Variants in BCAT2 observed in about 807,000 individuals in gnomAD.
BCAT2 encodes branched chain amino acid transaminase 2.
BCAT2 carries 44 observed loss-of-function variants against 52.9 expected under a neutral mutation model. That is an observed-to-expected ratio of 0.83 (90% CI 0.65 to 1.07). The LOEUF (loss-of-function observed/expected upper bound fraction) is 1.07, where lower values mean the gene tolerates loss of function less well. Among genes scored for constraint, BCAT2 ranks in the 50% least tolerant of loss-of-function variants. BCAT2 has a pLI of 0.00. For synonymous variants in BCAT2, 215 were observed against 217.1 expected (o/e 0.99, Z 0.08); for missense variants, 478 against 521.8 (o/e 0.92, Z 0.82).
chr19:48,809,866 G>A (rs2034881823), intron 1 of BCAT2, among the ~76,000 whole-genome samples: 1 of 151,256 alleles, frequency 6.6e-6, no homozygotes, highest in Non-Finnish European at 1.5e-5. Flanking sequence ...CCCTACCATG[G>A]TCCAGCACTG....
chr19:48,808,363 G>A, intron 1 of BCAT2: 1 of 624,470 alleles, frequency 1.6e-6, no homozygotes, highest in Non-Finnish European at 2.0e-6. Flanking sequence ...GAAGAGGAAG[G>A]ATGAGAAAAA....
intron 2 of BCAT2, 102 bp downstream of exon 2, chr19:48,806,898 C>T (rs1254613511): frequency 7.0e-7 from 1 of 1,433,478 alleles, no homozygotes; most frequent in Non-Finnish European, 9.8e-7. Context: ...AAGCTACCAC[C>T]ACTCACTGCC....
Position 48,797,418 on chromosome 19 carries a change from T to TC in BCAT2, c.696-86dup, listed in dbSNP as rs1599793624. 2.7e-6 allele frequency: 4 copies of TC among 1,499,748 alleles called. No individual in the cohort carries two copies. The South Asian group carries it at 4.8e-5, about 18-fold the overall frequency. The allele number at this position is 1,499,748 out of a possible 1,614,324, so 92.9% of individuals were successfully genotyped here. ...CCCAGAGGAGGCTCATCCTACTCTC[T>TC]CCCGTCTCCCTGCTCACAGCTCTCA... On this transcript the variant is annotated intron_variant, in intron 6 of 10. Transcript: ENST00000316273.
At chr19:48,800,801 T>G (rs2034642035) in intron 3 of BCAT2, among the ~76,000 whole-genome samples, 1 of 151,894 alleles carries the variant, frequency 6.6e-6, no homozygotes, top group African/African-American at 2.4e-5. Flanking sequence ...AGTTTTTTTT[T>G]TCTGGAGACT....
At position 48,795,142 on chromosome 19, in the gene BCAT2, C is replaced by A. The variant is rs1263479926; in HGVS notation, c.*284G>T. On this transcript the variant is annotated 3_prime_UTR_variant, in exon 11 of 11. Transcript: ENST00000316273. ...TCAACGGCAGCACCAGGGGTCTGGC[C>A]TGAGAACGGAGAGATCCGGAATCGG... The A allele has an allele frequency of 5.7e-6, 3 of 530,872 alleles. No individual in the cohort carries two copies. The highest frequency in any genetic ancestry group is 1.0e-5 in the Non-Finnish European group (3 of 295,952). 32.9% of individuals were successfully genotyped at this position (530,872 alleles called of 1,614,324 possible).
At chr19:48,805,501 G>C (rs1303517208) in intron 3 of BCAT2, among the ~76,000 whole-genome samples, 1 of 152,042 alleles carries the variant, frequency 6.6e-6, no homozygotes, top group Non-Finnish European at 1.5e-5. Context: ...GACATTTTCA[G>C]CCTCCTTAAC....
Position 48,799,940 on chromosome 19 carries a change from A to ACC in BCAT2, c.531+39_531+40dup. On this transcript the variant is annotated intron_variant, in intron 5 of 10. Coordinates refer to ENST00000316273, the MANE Select transcript of BCAT2 (RefSeq NM_001190.4). This position sits in a 1 kb window ranked among gnomAD's most constrained non-coding sequence, Gnocchi z 5.5. ...CCCCACCCCTGCCCTGCAGAATCCA[A>ACC]CCCCCGCAGCCCAGCTTCCCAGCCC... 4 of 1,608,230 alleles carry ACC rather than the reference A, an allele frequency of 2.5e-6. No individual in the cohort carries two copies. The Admixed American group carries it at 5.0e-5, about 20-fold the overall frequency.
chr19:48,807,410 G>T lies in BCAT2; in HGVS notation c.25-336C>A. The T allele has an allele frequency of 4.1e-6, 1 of 242,962 alleles. No homozygotes were observed. Among genetic ancestry groups the T allele is most frequent in the Non-Finnish European group, 8.1e-6 (1 of 123,986 alleles). The allele number at this position is 242,962 out of a possible 1,614,324, so 15.1% of individuals were successfully genotyped here. On this transcript the variant is annotated intron_variant, in intron 1 of 10. Transcript: ENST00000316273. The surrounding 1 kb of genome is among the most constrained non-coding windows in gnomAD (Gnocchi z 4.6). ...AGGGAAGGCACACAGGTAAGTGAAG[G>T]CCTCCGGGTACCCAAGTGCTGACAG...
chr19:48,808,115 A>G, intron 1 of BCAT2: 2 of 987,142 alleles, frequency 2.0e-6, no homozygotes, highest in Non-Finnish European at 2.4e-6. Context: ...TTGCTGGGAG[A>G]TGGGCCTGCA....
chr19:48,809,610 G>A (rs2034875179), intron 1 of BCAT2, among the ~76,000 whole-genome samples: 1 of 151,846 alleles, frequency 6.6e-6, no homozygotes, highest in African/African-American at 2.4e-5. Context: ...TCCAGATTGT[G>A]CCTGTAACTT....
intron 3 of BCAT2, among the ~76,000 whole-genome samples, chr19:48,805,605 G>A (rs1168607552): frequency 2.1e-5 from 3 of 144,682 alleles, no homozygotes; most frequent in Non-Finnish European, 4.6e-5. Context: ...ATCCCCCACC[G>A]ACTGTCCCCC....
rs370861768 is a variant in BCAT2 at position 48,796,696 on chromosome 19, C to T, written c.947G>A (p.Arg316His). The T allele has an allele frequency of 1.2e-5, 19 of 1,612,432 alleles. No homozygotes were observed. Among genetic ancestry groups the T allele is most frequent in the African/African-American group, 8.0e-5 (6 of 74,942 alleles). ...QTWGEFRVVE[R>H]TITMKQLLRA... ...CAGCAACTGCTTCATGGTGATCGTGCGCTCCACCACCCGGAACTCACCCTG... is the reference window on the plus strand; with the variant it reads ...CAGCAACTGCTTCATGGTGATCGTGTGCTCCACCACCCGGAACTCACCCTG... Residue 316 changes from arginine (R) to histidine (H), a missense_variant, in exon 9 of 11, where the codon CGC (arginine) becomes CAC (histidine). Physicochemically the swap from Arg to His is conservative, Grantham distance 29 (BLOSUM62 0). Coordinates refer to ENST00000316273, the MANE Select transcript of BCAT2 (RefSeq NM_001190.4).
intron 1 of BCAT2, chr19:48,808,178 G>A: frequency 2.0e-6 from 2 of 986,594 alleles, no homozygotes; most frequent in African/African-American, 1.7e-5. Flanking sequence ...TCAGAGCGTG[G>A]GTCCCCAGAT....
chr19:48,804,577 TA>T (rs1231091588), intron 3 of BCAT2, among the ~76,000 whole-genome samples: 1 of 151,920 alleles, frequency 6.6e-6, no homozygotes, highest in Non-Finnish European at 1.5e-5. Flanking sequence ...AAATAAAAAA[TA>T]ATACACGTGG....
intron 1 of BCAT2, chr19:48,810,729 T>G: frequency 1.7e-5 from 12 of 697,990 alleles, no homozygotes; most frequent in African/African-American, 2.2e-5. Flanking sequence ...TCCTCCACCA[T>G]GTTTCCCTTT....
intron 3 of BCAT2, among the ~76,000 whole-genome samples, chr19:48,804,677 G>A (rs554334367): frequency 7.2e-5 from 11 of 152,200 alleles, no homozygotes; most frequent in African/African-American, 2.4e-4. Context: ...CCGCCCCCTG[G>A]ACCCGCGGGA....
At chr19:48,803,092 G>A (rs1219316558) in intron 3 of BCAT2, among the ~76,000 whole-genome samples, 1 of 152,206 alleles carries the variant, frequency 6.6e-6, no homozygotes, top group Admixed American at 6.5e-5. Flanking sequence ...CCACTCGGGA[G>A]GCAGAGGCAG....
rs1434033144 is a variant in BCAT2, at chr19:48,806,729, C to CA, written c.100-13dup. The CA allele has an allele frequency of 4.3e-6, 7 of 1,611,236 alleles. No individual in the cohort carries two copies. The highest frequency in any genetic ancestry group is 5.9e-6 in the Non-Finnish European group (7 of 1,179,928). On this transcript the variant is annotated splice_polypyrimidine_tract_variant and intron_variant, in intron 2 of 10. Transcript: ENST00000316273. ...TGCAGGTCTGCAGCCTGAGGAAAGA[C>CA]AGGGGTATCCTAGAATCTGGCCACA...
intron 1 of BCAT2, among the ~76,000 whole-genome samples, chr19:48,808,574 T>C (rs1174426877): frequency 2.6e-5 from 4 of 151,900 alleles, no homozygotes; most frequent in South Asian, 2.1e-4. Context: ...CTGGGCAACA[T>C]AGGGAGACCC....
Sources: gnomAD v4.1 joint callset for allele counts (sites outside exome capture counted in the v4.1 genomes callset) on GRCh38, gnomAD v4.1.1 for gene constraint, Gnocchi (gnomAD v3.1) non-coding constraint, MANE v1.5 for transcripts, NCBI Gene and HGNC (gene_info 2026-07-23, HGNC 2026-07-21) for gene names.